Variants in FRYL observed in about 807,000 individuals in gnomAD.
FRYL encodes FRY like transcription coactivator.
A neutral mutation model predicts 351.2 loss-of-function variants in FRYL; 150 were observed. The ratio of observed to expected loss-of-function variants is 0.43; its 90% CI spans 0.37 to 0.49. FRYL has a LOEUF of 0.49. Among genes scored for constraint, FRYL ranks in the 20% least tolerant of loss-of-function variants. FRYL has a pLI of 0.00. For synonymous variants in FRYL, 1,153 were observed against 1,257.1 expected, an observed-to-expected ratio of 0.92 and a Z score of 1.75; for missense variants, 3,036 against 3,619.3, an observed-to-expected ratio of 0.84 and a Z score of 4.13.
chr4:48,611,521 A>T (rs1379263806), intron 7 of FRYL, among the ~76,000 whole-genome samples: 1 of 151,916 alleles, frequency 6.6e-6, no homozygotes, highest in Non-Finnish European at 1.5e-5. Flanking sequence ...TACCAAAATC[A>T]TACCATCTTT....
chr4:48,680,135 T>C (rs1764385397), intron 3 of FRYL, among the ~76,000 whole-genome samples: 2 of 152,118 alleles, frequency 1.3e-5, no homozygotes, highest in African/African-American at 4.8e-5. Flanking sequence ...TATGTATACA[T>C]ATTAAAATAT....
At chr4:48,547,893 A>G (rs1731713966) in intron 40 of FRYL, 124 bp from the exon 41 acceptor site, 1 of 595,244 alleles carries the variant, frequency 1.7e-6, no homozygotes, top group Admixed American at 3.6e-5. Flanking sequence ...GACATATTAT[A>G]TGGTTTTTTA....
chr4:48,545,584 C>T (rs1489586950), intron 42 of FRYL, among the ~76,000 whole-genome samples: 2 of 152,158 alleles, frequency 1.3e-5, no homozygotes, highest in African/African-American at 4.8e-5. Flanking sequence ...CTCTCCCAAG[C>T]TTTCCATAAT....
intron 2 of FRYL, among the ~76,000 whole-genome samples, chr4:48,709,350 A>T (rs1265220550): frequency 6.6e-6 from 1 of 152,182 alleles, no homozygotes; most frequent in Non-Finnish European, 1.5e-5. Context: ...GAGAGCCACT[A>T]ATATGATATT....
chr4:48,592,980 T>A (rs1416138034), intron 16 of FRYL, among the ~76,000 whole-genome samples: 1 of 152,134 alleles, frequency 6.6e-6, no homozygotes, highest in Non-Finnish European at 1.5e-5. Context: ...TCAAATGTAA[T>A]TAGATTCCAA....
At chr4:48,713,213 A>G (rs1768311808) in intron 1 of FRYL, among the ~76,000 whole-genome samples, 1 of 152,190 alleles carries the variant, frequency 6.6e-6, no homozygotes, top group Non-Finnish European at 1.5e-5. Context: ...TGACAGGATC[A>G]AATTCACACA....
intron 3 of FRYL, among the ~76,000 whole-genome samples, chr4:48,684,070 C>G (rs1764925591): frequency 6.6e-6 from 1 of 152,160 alleles, no homozygotes; most frequent in Non-Finnish European, 1.5e-5. Context: ...ACTGCACTTT[C>G]AACTGGAGAG....
intron 4 of FRYL, among the ~76,000 whole-genome samples, chr4:48,632,297 A>C (rs1437076975): frequency 6.7e-6 from 1 of 149,854 alleles, no homozygotes; most frequent in African/African-American, 2.4e-5. Flanking sequence ...AGTGTTCATT[A>C]TACCATAATC....
intron 49 of FRYL, among the ~76,000 whole-genome samples, chr4:48,533,096 G>A (rs1728042422): frequency 6.6e-6 from 1 of 152,096 alleles, no homozygotes; most frequent in Admixed American, 6.5e-5. Context: ...CCTTTGAGAT[G>A]GGGAGTGTGC....
chr4:48,516,859 G>A (rs957887161), intron 55 of FRYL, among the ~76,000 whole-genome samples: 1 of 152,180 alleles, frequency 6.6e-6, no homozygotes, highest in Non-Finnish European at 1.5e-5. Context: ...TGATGGGAAA[G>A]CTCTCAATCT....
At chr4:48,564,163 T>C (rs957858720) in intron 30 of FRYL, 61 bp from the exon 31 acceptor site, 25 of 1,575,600 alleles carry the variant, frequency 1.6e-5, no homozygotes, top group African/African-American at 2.7e-5. Context: ...TCTATTTCCC[T>C]ATAGTTCTTA....
chr4:48,730,976 A>C (rs1770654995), intron 1 of FRYL, among the ~76,000 whole-genome samples: 1 of 152,178 alleles, frequency 6.6e-6, no homozygotes, highest in Non-Finnish European at 1.5e-5. Context: ...AGAGAACCAC[A>C]TCACGTGCAA....
intron 3 of FRYL, among the ~76,000 whole-genome samples, chr4:48,671,365 T>C (rs561235586): frequency 2.0e-5 from 3 of 152,170 alleles, no homozygotes; most frequent in East Asian, 3.9e-4. Context: ...ACACACATTA[T>C]GAACAAAAAA....
chr4:48,677,611 A>T (rs952749738), intron 3 of FRYL, among the ~76,000 whole-genome samples: 7 of 152,064 alleles, frequency 4.6e-5, no homozygotes, highest in African/African-American at 7.2e-5. Flanking sequence ...GGGTTTTGCC[A>T]TGTTGGCCAG....
chr4:48,737,200 T>C (rs1344228577), intron 1 of FRYL, among the ~76,000 whole-genome samples: 1 of 137,020 alleles, frequency 7.3e-6, no homozygotes, highest in Non-Finnish European at 1.5e-5. Context: ...GAGATTGCAG[T>C]GAGTCAAAGA....
intron 1 of FRYL, among the ~76,000 whole-genome samples, chr4:48,713,687 C>T (rs1768390522): frequency 6.6e-6 from 1 of 152,028 alleles, no homozygotes. Flanking sequence ...CTTTAACACC[C>T]CACTGTCAAC....
intron 1 of FRYL, among the ~76,000 whole-genome samples, chr4:48,720,113 G>C (rs1478562121): frequency 6.8e-6 from 1 of 147,324 alleles, no homozygotes; most frequent in Non-Finnish European, 1.5e-5. Context: ...TTGTGCCACT[G>C]CACTCCAGCC....
Position 48,564,112 on chromosome 4 carries a change from G to T in FRYL, c.3442-10C>A. ...AGCCCAGCTGGTGAACCTAGGTAAA[G>T]GTTGTGAAATTGCCCGAGAGAGAAC... On this transcript the variant is annotated splice_polypyrimidine_tract_variant and intron_variant, in intron 30 of 63. Coordinates refer to ENST00000358350, the MANE Select transcript of FRYL (RefSeq NM_015030.2). 6.2e-7 allele frequency: 1 copy of T among 1,611,986 alleles called. No individual in the cohort carries two copies. The highest frequency in any genetic ancestry group is 1.1e-5 in the South Asian group (1 of 90,586).
chr4:48,688,502 T>C (rs528819111), intron 2 of FRYL, among the ~76,000 whole-genome samples: 1 of 152,280 alleles, frequency 6.6e-6, no homozygotes, highest in African/African-American at 2.4e-5. Flanking sequence ...ATATTTATGG[T>C]CATCCCTTTA....
Sources: allele counts gnomAD v4.1 joint callset (sites outside exome capture counted in the v4.1 genomes callset), GRCh38; gene constraint gnomAD v4.1.1; transcripts MANE v1.5; gene names NCBI Gene and HGNC (gene_info 2026-07-23, HGNC 2026-07-21).